NALF1: variants seen among roughly 807,000 people sequenced by gnomAD.
NALF1 encodes the protein NALCN channel auxiliary factor 1.
Under a neutral mutation model 48.4 loss-of-function variants are expected in NALF1, and 3 were observed. The observed-to-expected ratio is 0.06, with a 90% CI of 0.03 to 0.16. The LOEUF (loss-of-function observed/expected upper bound fraction) is 0.16. NALF1 is among the 10% of genes least tolerant of loss of function. NALF1 has a pLI of 1.00. For synonymous variants in NALF1, 262 were observed against 245.7 expected (o/e 1.07, Z -0.62); for missense variants, 526 against 571.5 (o/e 0.92, Z 0.81).
In NALF1 at chr13:107,688,625, C is replaced by G. The variant is rs936817968; in HGVS notation, c.915+177057G>C. Among the ~76,000 whole-genome samples the G allele has an allele frequency of 6.6e-5, 10 of 152,176 alleles. No homozygotes were observed. In the East Asian group the frequency reaches 1.7e-3, roughly 26 times the overall value. On this transcript the variant is annotated intron_variant, in intron 1 of 2. Coordinates refer to ENST00000375915, the MANE Select transcript of NALF1 (RefSeq NM_001080396.3). ...AAAGCAGTTTTCCAATAAAATAAAA[C>G]AAGACTTCTTTTTTTCTATATAGGA...
intron 1 of NALF1, among the ~76,000 whole-genome samples, chr13:107,714,946 A>C (rs984211022): frequency 2.8e-4 from 43 of 152,200 alleles, no homozygotes; most frequent in African/African-American, 9.9e-4. Context: ...GCAAGGGAAG[A>C]AACAAAATTG....
chr13:107,377,800 C>A (rs560662164), intron 1 of NALF1, among the ~76,000 whole-genome samples: 2 of 152,074 alleles, frequency 1.3e-5, no homozygotes, highest in African/African-American at 4.8e-5. Context: ...AGATAGGCAT[C>A]TATTTATTTT....
chr13:107,711,922 AG>A (rs923325499), intron 1 of NALF1, among the ~76,000 whole-genome samples: 10 of 152,312 alleles, frequency 6.6e-5, no homozygotes, highest in Non-Finnish European at 1.5e-4. Flanking sequence ...CTGTACTTGA[AG>A]GCTGCTGCTG....
intron 1 of NALF1, among the ~76,000 whole-genome samples, chr13:107,546,644 CCT>C (rs899975968): frequency 3.3e-5 from 5 of 151,262 alleles, no homozygotes; most frequent in Non-Finnish European, 5.9e-5. Flanking sequence ...TCTCTCCCGC[CCT>C]CTCTCTCTGT....
At chr13:107,838,451 A>G (rs16971270) in intron 1 of NALF1, among the ~76,000 whole-genome samples, 7,401 of 152,282 alleles carry the variant, frequency 0.049, 352 homozygotes, top group East Asian at 0.26. Flanking sequence ...CACTATATAA[A>G]GCACCATGCA....
chr13:107,720,293 T>C (rs1875944760), intron 1 of NALF1, among the ~76,000 whole-genome samples: 1 of 152,230 alleles, frequency 6.6e-6, no homozygotes, highest in African/African-American at 2.4e-5. Flanking sequence ...GGGCAAACCA[T>C]GAGGTCAGGT....
At chr13:107,688,552 T>G (rs975687601) in intron 1 of NALF1, among the ~76,000 whole-genome samples, 1 of 152,202 alleles carries the variant, frequency 6.6e-6, no homozygotes. Context: ...TCAATTGTTT[T>G]TAGAACTTAA....
chr13:107,252,887 A>T (rs1412578129), intron 1 of NALF1, among the ~76,000 whole-genome samples: 2 of 152,234 alleles, frequency 1.3e-5, no homozygotes, highest in African/African-American at 4.8e-5. Context: ...GTATAGTAGA[A>T]AATGTTATCT....
chr13:107,342,629 A>T (rs1276561866), intron 1 of NALF1, among the ~76,000 whole-genome samples: 1 of 152,224 alleles, frequency 6.6e-6, no homozygotes. Context: ...GTGGAGAGAT[A>T]CAAACGAGTA....
intron 1 of NALF1, among the ~76,000 whole-genome samples, chr13:107,864,063 C>A (rs1231230847): frequency 6.6e-6 from 1 of 152,124 alleles, no homozygotes; most frequent in East Asian, 1.9e-4. Flanking sequence ...GTTTCCTTTT[C>A]TTTACAATTT....
chr13:107,302,058 T>C (rs1881847123), intron 1 of NALF1, among the ~76,000 whole-genome samples: 1 of 152,162 alleles, frequency 6.6e-6, no homozygotes, highest in Non-Finnish European at 1.5e-5. Context: ...AATGGATTAA[T>C]CCATTCATGA....
chr13:107,850,484 G>A (rs1452653288), intron 1 of NALF1, among the ~76,000 whole-genome samples: 1 of 152,158 alleles, frequency 6.6e-6, no homozygotes, highest in Non-Finnish European at 1.5e-5. Flanking sequence ...CACACGAAAA[G>A]CCGAATCATG....
At chr13:107,497,855 A>C (rs1252764808) in intron 1 of NALF1, among the ~76,000 whole-genome samples, 1 of 152,188 alleles carries the variant, frequency 6.6e-6, no homozygotes, top group African/African-American at 2.4e-5. Context: ...GCATCTGATA[A>C]TTAAATACAA....
In NALF1 at chr13:107,362,537, G is replaced by A. The variant is rs895253114; in HGVS notation, c.916-151782C>T. Among the ~76,000 whole-genome samples, 10 of 152,112 alleles carry A rather than the reference G, an allele frequency of 6.6e-5. 1 individual carries two copies. The highest frequency in any genetic ancestry group is 6.2e-4 in the South Asian group (3 of 4,820). ...GCATTCTCCTGTGTGTCCTCGTCGC[G>A]GGGCATTCTCCTCTCCTTATATCAG... On this transcript the variant is annotated intron_variant, in intron 1 of 2. Transcript: ENST00000375915. The surrounding 1 kb of genome is among the most constrained non-coding windows in gnomAD (Gnocchi z 4.6).
intron 1 of NALF1, among the ~76,000 whole-genome samples, chr13:107,386,790 C>G (rs142332723): frequency 0.013 from 2,040 of 152,200 alleles, 25 homozygotes; most frequent in South Asian, 0.033. Context: ...TCGAAAAACA[C>G]TTAGGTTTCC....
intron 1 of NALF1, among the ~76,000 whole-genome samples, chr13:107,758,677 C>T (rs1437322943): frequency 1.3e-5 from 2 of 151,954 alleles, no homozygotes; most frequent in African/African-American, 2.4e-5. Flanking sequence ...GCCGAGATAG[C>T]GCCACTGCAC....
At chr13:107,436,428 G>A (rs1884464795) in intron 1 of NALF1, among the ~76,000 whole-genome samples, 1 of 152,102 alleles carries the variant, frequency 6.6e-6, no homozygotes, top group Admixed American at 6.5e-5. Flanking sequence ...GTCATTCACA[G>A]TATTAGCACA....
intron 2 of NALF1, among the ~76,000 whole-genome samples, chr13:107,196,413 C>A (rs1173622163): frequency 6.6e-6 from 1 of 152,146 alleles, no homozygotes; most frequent in African/African-American, 2.4e-5. Context: ...AAAGCATTCT[C>A]AACAGCCAAG....
intron 1 of NALF1, among the ~76,000 whole-genome samples, chr13:107,260,891 G>A (rs1355024619): frequency 2.0e-5 from 3 of 152,270 alleles, no homozygotes; most frequent in South Asian, 2.1e-4. Context: ...TGCAAATGAC[G>A]TTAACATGCT....
Sources: gnomAD v4.1 joint callset for allele counts (sites outside exome capture counted in the v4.1 genomes callset) on GRCh38, gnomAD v4.1.1 for gene constraint, Gnocchi (gnomAD v3.1) non-coding constraint, MANE v1.5 for transcripts, NCBI Gene and HGNC (gene_info 2026-07-23, HGNC 2026-07-21) for gene names.